Variants in MGAM observed in about 807,000 individuals in gnomAD.
The protein encoded by MGAM is alpha-1,4-glucosidase.
A neutral mutation model predicts 358.8 loss-of-function variants in MGAM; 253 were observed. The ratio of observed to expected loss-of-function variants is 0.71; its 90% CI spans 0.64 to 0.78. The LOEUF (loss-of-function observed/expected upper bound fraction) is 0.78. MGAM is among the 30% of genes least tolerant of loss of function. The pLI is 0.00. For synonymous variants in MGAM, 1,105 were observed against 1,227.1 expected, an observed-to-expected ratio of 0.90 and a Z score of 2.08; for missense variants, 3,080 against 3,432.6, an observed-to-expected ratio of 0.90 and a Z score of 2.57.
At chr7:142,045,789 A>G (rs1224171435) in intron 21 of MGAM, among the ~76,000 whole-genome samples, 1 of 123,834 alleles carries the variant, frequency 8.1e-6, no homozygotes, top group Non-Finnish European at 1.5e-5. Context: ...TATAATATAC[A>G]TATCGTATAT....
chr7:142,078,555 AC>A, intron 48 of MGAM, 85 bp downstream of exon 48: 1 of 1,299,990 alleles, frequency 7.7e-7, no homozygotes, highest in Non-Finnish European at 1.0e-6. Context: ...CACTTATATA[AC>A]TACTTAAAAT....
rs757127341 is a variant in MGAM, at chr7:142,060,316, G to T, written c.4065G>T (p.Trp1355Cys). ...NDGDIVWGKVWPDFPDVVVNG... is the reference protein window; with the variant it reads ...NDGDIVWGKVCPDFPDVVVNG... Reference sequence around the variant, plus strand: ...GAACGTATTTCTCTCCATAGGTCTGGCCTGATTTTCCTGATGTTGTTGTGA... The same window carrying T: ...GAACGTATTTCTCTCCATAGGTCTGTCCTGATTTTCCTGATGTTGTTGTGA... The change falls in exon 34 of 71, where the codon TGG becomes TGT. Residue 1355 changes from tryptophan to cysteine, a missense_variant. Physicochemically the swap from Trp to Cys is radical, Grantham distance 215 (BLOSUM62 -2). This residue lies in a region of MGAM where 1,816 missense variants were observed against 1,840.5 expected (regional missense o/e 0.99). Transcript: ENST00000475668. 1 of 1,614,008 alleles carries T rather than the reference G, an allele frequency of 6.2e-7. No individual in the cohort carries two copies. Among genetic ancestry groups the T allele is most frequent in the Non-Finnish European group, 8.5e-7 (1 of 1,179,832 alleles).
At chr7:142,045,700 A>T (rs1487449563) in intron 21 of MGAM, among the ~76,000 whole-genome samples, 1 of 96,898 alleles carries the variant, frequency 1.0e-5, no homozygotes, top group African/African-American at 3.9e-5. Context: ...CATACAATAT[A>T]TGAATATATA....
rs2129054513 is a variant in MGAM at position 142,084,575 on chromosome 7, C to T, written c.6438C>T (p.Arg2146=). 1 of 1,556,024 alleles carries T rather than the reference C, an allele frequency of 6.4e-7. No homozygotes were observed. The highest frequency in any genetic ancestry group is 8.8e-7 in the Non-Finnish European group (1 of 1,132,440). ...GGTCTTTGGGGTTCCAGCTGTGTCGCTATGGCTACCAGAACGACTCTGAGA... is the reference window on the plus strand; with the variant it reads ...GGTCTTTGGGGTTCCAGCTGTGTCGTTATGGCTACCAGAACGACTCTGAGA... ...PYWSLGFQLC[R]YGYQNDSEIS... Residue 2146 remains arginine, a synonymous_variant, in exon 54 of 71, where the codon CGC becomes CGT. Coordinates refer to ENST00000475668, the MANE Select transcript of MGAM (RefSeq NM_001365693.1).
At position 142,095,547 on chromosome 7, in the gene MGAM, G is replaced by C; in HGVS notation, c.7459-18G>C. ...AATTCCAGGGCAAGCTCCCAACACTGTTCTCTTTCTCCTTTAGAGACAAGA... is the reference window on the plus strand; with the variant it reads ...AATTCCAGGGCAAGCTCCCAACACTCTTCTCTTTCTCCTTTAGAGACAAGA... On this transcript the variant is annotated intron_variant, in intron 63 of 70. Coordinates refer to ENST00000475668, the MANE Select transcript of MGAM (RefSeq NM_001365693.1). 3 of 1,612,436 alleles carry C rather than the reference G, an allele frequency of 1.9e-6. No homozygotes were observed. The highest frequency in any genetic ancestry group is 2.5e-6 in the Non-Finnish European group (3 of 1,179,692).
At chr7:142,082,724 C>T (rs759911882) in intron 52 of MGAM, among the ~76,000 whole-genome samples, 153 bp downstream of exon 52, 1 of 146,268 alleles carries the variant, frequency 6.8e-6, no homozygotes, top group Non-Finnish European at 1.5e-5. Context: ...CCTTTCTGTT[C>T]ATTTCAGTCT....
chr7:142,060,650 A>G (rs1356549788), intron 34 of MGAM, among the ~76,000 whole-genome samples: 1 of 152,254 alleles, frequency 6.6e-6, no homozygotes, highest in Non-Finnish European at 1.5e-5. Flanking sequence ...TGGTGATTTC[A>G]ATTCCAAGGC....
chr7:142,094,444 A>G lies in MGAM; in HGVS notation c.7253A>G (p.His2418Arg), dbSNP rs962679938. ...CCCTCTTCTGGCCGCTGGGCAGGACATTGGCTGGGAGACAACACAGCCGCG... is the reference window on the plus strand; with the variant it reads ...CCCTCTTCTGGCCGCTGGGCAGGACGTTGGCTGGGAGACAACACAGCCGCG... Reference protein sequence around the residue: ...TFPSSGRWAGHWLGDNTAAWD... With the variant: ...TFPSSGRWAGRWLGDNTAAWD... Residue 2418 changes from histidine (H) to arginine (R), a missense_variant, in exon 61 of 71, where the codon CAT becomes CGT. His to Arg is a conservative substitution (Grantham distance 29). Coordinates refer to ENST00000475668, the MANE Select transcript of MGAM (RefSeq NM_001365693.1). The G allele has an allele frequency of 1.3e-6, 2 of 1,534,502 alleles. No individual in the cohort carries two copies. Among genetic ancestry groups the G allele is most frequent in the African/African-American group, 1.3e-5 (1 of 74,178 alleles).
Position 142,021,653 on chromosome 7 carries a change from C to T in MGAM, c.626C>T (p.Ala209Val), listed in dbSNP as rs1806469143. Residue 209 changes from alanine (A) to valine (V), a missense_variant, in exon 6 of 71, where the codon GCT becomes GTT. Transcript: ENST00000475668. The part of the protein sequence containing the change: ...HEHVQSFSGN[A>V]AASLTYQVEI... ...CACGTGCAGTCCTTCAGTGGAAATG[C>T]TGCTGCTTCTTTGACCTACCAAGTT... The T allele has an allele frequency of 6.2e-7, 1 of 1,613,824 alleles. No homozygotes were observed. The highest frequency in any genetic ancestry group is 1.3e-5 in the African/African-American group (1 of 74,932).
chr7:142,002,825 A>G (rs1445949249), intron 1 of MGAM, among the ~76,000 whole-genome samples: 1 of 152,108 alleles, frequency 6.6e-6, no homozygotes, highest in Non-Finnish European at 1.5e-5. Context: ...TCTTATACCT[A>G]GGAAACTCTA....
intron 63 of MGAM, 120 bp downstream of exon 63, chr7:142,094,983 G>A: frequency 9.8e-7 from 1 of 1,024,484 alleles, no homozygotes; most frequent in Non-Finnish European, 1.4e-6. Context: ...TTTTTCTTTT[G>A]AGACAAAGAC....
intron 2 of MGAM, among the ~76,000 whole-genome samples, chr7:142,006,041 GATAAAA>G (rs1187979081): frequency 2.6e-5 from 4 of 151,792 alleles, no homozygotes; most frequent in Middle Eastern, 3.2e-3. Flanking sequence ...AAGCTAGAAA[GATAAAA>G]ATAAAAAAAA....
chr7:142,038,397 T>G, intron 18 of MGAM, 134 bp from the exon 19 acceptor site: 1 of 639,806 alleles, frequency 1.6e-6, no homozygotes. Flanking sequence ...CTTGAGTAGG[T>G]GTCACAGAAT....
rs769883658 is a variant in MGAM at position 142,050,687 on chromosome 7, T to C, written c.2638-10T>C. 1.1e-5 allele frequency: 17 copies of C among 1,611,720 alleles called. No homozygotes were observed. In the African/African-American group the frequency reaches 1.9e-4, roughly 18 times the overall value. On this transcript the variant is annotated splice_polypyrimidine_tract_variant and intron_variant, in intron 23 of 70. Coordinates refer to ENST00000475668, the MANE Select transcript of MGAM (RefSeq NM_001365693.1). ...ACCTTTATGCATACTTGGACTTAAT[T>C]GTTTTGCAGAACCGCTTGGAGGTGA...
chr7:142,068,135 T>C (rs2129046072), intron 42 of MGAM, among the ~76,000 whole-genome samples: 1 of 118,762 alleles, frequency 8.4e-6, no homozygotes, highest in African/African-American at 2.7e-5. Flanking sequence ...TACAGGCATG[T>C]GCCACCATTC....
At chr7:142,089,000 C>G (rs12535150) in intron 57 of MGAM, among the ~76,000 whole-genome samples, 1,654 of 48,228 alleles carry the variant, frequency 0.034, 62 homozygotes, top group African/African-American at 0.11. Flanking sequence ...ATGTATGTAT[C>G]TATCTATCTA....
At chr7:142,064,873 G>A (rs910837498) in intron 37 of MGAM, among the ~76,000 whole-genome samples, 19 of 151,988 alleles carry the variant, frequency 1.3e-4, no homozygotes, top group Admixed American at 5.9e-4. Context: ...CATCTCTCCC[G>A]TTCATTTCAA....
chr7:142,058,438 T>C (rs1811770693), intron 31 of MGAM, 110 bp downstream of exon 31: 1 of 1,534,214 alleles, frequency 6.5e-7, no homozygotes, highest in South Asian at 1.3e-5. Context: ...AAGTTCTTTT[T>C]CAGACAATAT....
chr7:142,022,823 A>G (rs1806590673), intron 7 of MGAM, among the ~76,000 whole-genome samples: 1 of 152,228 alleles, frequency 6.6e-6, no homozygotes, highest in Non-Finnish European at 1.5e-5. Context: ...TGTGATCTCC[A>G]TATTTTTAGG....
Sources: gnomAD v4.1 joint callset for allele counts (sites outside exome capture counted in the v4.1 genomes callset) on GRCh38, gnomAD v4.1.1 for gene constraint, gnomAD v4.1.1 regional missense constraint, MANE v1.5 for transcripts, NCBI Gene and HGNC (gene_info 2026-07-23, HGNC 2026-07-21) for gene names.